EXT1: variants seen among roughly 807,000 people sequenced by gnomAD.
The protein encoded by EXT1 is exostosin glycosyltransferase 1.
EXT1 carries 20 observed loss-of-function variants against 82.5 expected under a neutral mutation model. That is an observed-to-expected ratio of 0.24 (90% CI 0.17 to 0.35). The LOEUF (loss-of-function observed/expected upper bound fraction) is 0.35, where lower values mean the gene tolerates loss of function less well. Among genes scored for constraint, EXT1 ranks in the 10% least tolerant of loss-of-function variants. The pLI is 1.00. For missense variants in EXT1, 757 were observed against 936.5 expected, an observed-to-expected ratio of 0.81 and a Z score of 2.50; for synonymous variants, 348 against 350.8, an observed-to-expected ratio of 0.99 and a Z score of 0.09.
At chr8:117,913,315 C>T (rs988710358) in intron 1 of EXT1, among the ~76,000 whole-genome samples, 1 of 152,118 alleles carries the variant, frequency 6.6e-6, no homozygotes, top group Non-Finnish European at 1.5e-5. Context: ...AAATTAACAT[C>T]AAACCACAGA....
At chr8:117,813,068 G>T (rs1483788861) in intron 7 of EXT1, 107 bp from the exon 8 acceptor site, 2 of 856,128 alleles carry the variant, frequency 2.3e-6, no homozygotes, top group Non-Finnish European at 3.9e-6. Context: ...TAAAGAATGC[G>T]CTACTATCAT....
intron 1 of EXT1, among the ~76,000 whole-genome samples, chr8:117,912,810 A>T (rs897368910): frequency 6.6e-6 from 1 of 152,254 alleles, no homozygotes; most frequent in African/African-American, 2.4e-5. Flanking sequence ...ATTATTTCTC[A>T]TAACAGTAGG....
At chr8:118,087,517 T>TA (rs1050457566) in intron 1 of EXT1, among the ~76,000 whole-genome samples, 4 of 152,142 alleles carry the variant, frequency 2.6e-5, no homozygotes, top group African/African-American at 9.7e-5. Flanking sequence ...CTCTCTGACC[T>TA]AAAAAAGTCA....
chr8:118,050,836 G>T (rs1332170890), intron 1 of EXT1, among the ~76,000 whole-genome samples: 1 of 152,108 alleles, frequency 6.6e-6, no homozygotes, highest in Non-Finnish European at 1.5e-5. Flanking sequence ...AATCTTGGAG[G>T]GAACTAAAGA....
intron 1 of EXT1, among the ~76,000 whole-genome samples, chr8:117,959,247 C>T (rs1814648850): frequency 6.6e-6 from 1 of 152,192 alleles, no homozygotes; most frequent in Non-Finnish European, 1.5e-5. Flanking sequence ...CAGAACTCTC[C>T]TGCCTAGCAC....
intron 1 of EXT1, among the ~76,000 whole-genome samples, chr8:118,047,668 C>G (rs1224218832): frequency 6.6e-6 from 1 of 152,114 alleles, no homozygotes; most frequent in Non-Finnish European, 1.5e-5. Flanking sequence ...ACTAATTCCC[C>G]AACACTCACT....
At chr8:118,067,465 T>C (rs907418613) in intron 1 of EXT1, among the ~76,000 whole-genome samples, 1 of 152,212 alleles carries the variant, frequency 6.6e-6, no homozygotes. Context: ...GACTGACTGC[T>C]TGAGAGAGCC....
intron 1 of EXT1, among the ~76,000 whole-genome samples, chr8:118,037,616 C>A (rs1395180221): frequency 1.3e-5 from 2 of 152,104 alleles, no homozygotes; most frequent in Non-Finnish European, 2.9e-5. Context: ...TGCTTCCAGG[C>A]AGCAGGAACA....
intron 3 of EXT1, 51 bp downstream of exon 3, chr8:117,835,392 CG>C: frequency 7.3e-7 from 1 of 1,362,014 alleles, no homozygotes; most frequent in African/African-American, 1.4e-5. Flanking sequence ...AAAGTTTGGA[CG>C]GGGGCAGCAA....
chr8:117,996,669 C>A (rs1012521048), intron 1 of EXT1, among the ~76,000 whole-genome samples: 1 of 152,120 alleles, frequency 6.6e-6, no homozygotes, highest in African/African-American at 2.4e-5. Context: ...GACTCGGTAA[C>A]CAGAAAAATA....
intron 1 of EXT1, among the ~76,000 whole-genome samples, chr8:118,039,357 C>T (rs1816484279): frequency 6.6e-6 from 1 of 152,028 alleles, no homozygotes; most frequent in South Asian, 2.1e-4. Flanking sequence ...GTTGGGAGTT[C>T]AAGACCAGCC....
At position 117,830,609 on chromosome 8, in the gene EXT1, C is replaced by T. The variant is rs1315585279; in HGVS notation, c.1165-260G>A. ...CCTCTAAGATTCAGTAGCACCTTAT[C>T]AGTTGCTTAGGTTAGTCTATAGTCA... is the stretch of plus-strand genomic sequence containing the variant. On this transcript the variant is annotated intron_variant, in intron 3 of 10. Coordinates refer to ENST00000378204, the MANE Select transcript of EXT1 (RefSeq NM_000127.3). Among the ~76,000 whole-genome samples, 3 of 152,206 alleles carry T rather than the reference C, an allele frequency of 2.0e-5. No homozygotes were observed. The East Asian group carries it at 5.8e-4, about 29-fold the overall frequency.
At chr8:117,813,315 C>T (rs568700110) in intron 7 of EXT1, among the ~76,000 whole-genome samples, 1 of 144,682 alleles carries the variant, frequency 6.9e-6, no homozygotes, top group African/African-American at 2.6e-5. Context: ...GAGCAACTAG[C>T]TGTCTGGAAG....
chr8:117,975,605 C>G (rs17431076), intron 1 of EXT1, among the ~76,000 whole-genome samples: 13,500 of 152,162 alleles, frequency 0.089, 746 homozygotes, highest in Admixed American at 0.13. Context: ...CACCACCCCC[C>G]ACTCCCTTCC....
intron 1 of EXT1, among the ~76,000 whole-genome samples, chr8:117,927,715 G>A (rs1206570071): frequency 6.6e-6 from 1 of 152,186 alleles, no homozygotes; most frequent in Non-Finnish European, 1.5e-5. Flanking sequence ...TCCATTTACA[G>A]GTAGGGCTGA....
At chr8:117,807,452 C>A in intron 8 of EXT1, 75 bp from the exon 9 acceptor site, 1 of 1,542,344 alleles carries the variant, frequency 6.5e-7, no homozygotes, top group African/African-American at 1.4e-5. Context: ...CTTCTCCCCA[C>A]TAATTCATAA....
intron 8 of EXT1, among the ~76,000 whole-genome samples, chr8:117,807,777 T>A (rs907533860): frequency 6.6e-6 from 1 of 151,920 alleles, no homozygotes; most frequent in Non-Finnish European, 1.5e-5. Context: ...ATCCAAAGAA[T>A]GAATATACAA....
intron 1 of EXT1, among the ~76,000 whole-genome samples, chr8:118,020,878 A>G (rs959981137): frequency 1.3e-5 from 2 of 152,240 alleles, no homozygotes. Context: ...CAGATCAAAT[A>G]AAACAAAACA....
At chr8:117,857,956 C>T (rs1812594664) in intron 1 of EXT1, among the ~76,000 whole-genome samples, 1 of 152,092 alleles carries the variant, frequency 6.6e-6, no homozygotes, top group Non-Finnish European at 1.5e-5. Context: ...TTGTGGAGTT[C>T]AAGACTTCAG....
Sources: allele counts gnomAD v4.1 joint callset (sites outside exome capture counted in the v4.1 genomes callset), GRCh38; gene constraint gnomAD v4.1.1; transcripts MANE v1.5; gene names NCBI Gene and HGNC (gene_info 2026-07-23, HGNC 2026-07-21).